Variants in GABRB2 observed in about 807,000 individuals in gnomAD.
GABRB2 encodes the protein gamma-aminobutyric acid receptor subunit beta-2.
In GABRB2, 16 loss-of-function variants were observed where a neutral mutation model predicts 54.7. The observed-to-expected ratio is 0.29, with a 90% CI of 0.20 to 0.44. The LOEUF (loss-of-function observed/expected upper bound fraction) is 0.44. Among genes scored for constraint, GABRB2 ranks in the 20% least tolerant of loss-of-function variants. The pLI, the probability that GABRB2 is intolerant of heterozygous loss-of-function variation, is 1.00. For missense variants in GABRB2, 355 were observed against 644.0 expected, an observed-to-expected ratio of 0.55 and a Z score of 4.86; for synonymous variants, 244 against 233.8, an observed-to-expected ratio of 1.04 and a Z score of -0.40.
chr5:161,418,829 A>G (rs1207114811), intron 4 of GABRB2, among the ~76,000 whole-genome samples: 2 of 152,216 alleles, frequency 1.3e-5, no homozygotes, highest in African/African-American at 2.4e-5. Flanking sequence ...GGCAAAAGAT[A>G]TTAACAGAGA....
intron 3 of GABRB2, among the ~76,000 whole-genome samples, chr5:161,489,477 A>G (rs1759034707): frequency 6.6e-6 from 1 of 151,680 alleles, no homozygotes; most frequent in Non-Finnish European, 1.5e-5. Context: ...CAAAAGACAA[A>G]CAGAGTAGAT....
At chr5:161,347,040 T>A (rs1382999379) in intron 5 of GABRB2, among the ~76,000 whole-genome samples, 1 of 152,100 alleles carries the variant, frequency 6.6e-6, no homozygotes, top group Non-Finnish European at 1.5e-5. Context: ...TAGACATATA[T>A]GCACAGTTAA....
At chr5:161,366,497 A>C (rs1228718908) in intron 5 of GABRB2, among the ~76,000 whole-genome samples, 1 of 152,088 alleles carries the variant, frequency 6.6e-6, no homozygotes, top group Non-Finnish European at 1.5e-5. Context: ...TTTAACTAAA[A>C]ATTTTTTTTC....
intron 3 of GABRB2, among the ~76,000 whole-genome samples, chr5:161,488,559 T>C (rs918866397): frequency 3.4e-4 from 51 of 151,814 alleles, no homozygotes; most frequent in African/African-American, 1.1e-3. Flanking sequence ...TACTTTATGA[T>C]TATTGGCTTT....
chr5:161,464,347 C>T (rs997277347), intron 3 of GABRB2, among the ~76,000 whole-genome samples: 2 of 151,950 alleles, frequency 1.3e-5, no homozygotes, highest in Non-Finnish European at 2.9e-5. Flanking sequence ...ATGCTCAACA[C>T]CACTAGTCAT....
chr5:161,324,906 A>T (rs954972626), intron 9 of GABRB2, among the ~76,000 whole-genome samples: 12 of 152,102 alleles, frequency 7.9e-5, no homozygotes, highest in Non-Finnish European at 1.5e-4. Flanking sequence ...TTAACAAATT[A>T]GTGTTCAAAT....
intron 5 of GABRB2, among the ~76,000 whole-genome samples, chr5:161,381,950 T>C (rs893006522): frequency 6.6e-6 from 1 of 152,172 alleles, no homozygotes; most frequent in Non-Finnish European, 1.5e-5. Flanking sequence ...TCAACACATA[T>C]AACCCATTAA....
chr5:161,479,577 T>C (rs1758692571), intron 3 of GABRB2, among the ~76,000 whole-genome samples: 2 of 132,232 alleles, frequency 1.5e-5, no homozygotes, highest in Admixed American at 9.3e-5. Context: ...CATGAACACA[T>C]TGAAACAATT....
intron 3 of GABRB2, among the ~76,000 whole-genome samples, chr5:161,519,915 T>C (rs1561680411): frequency 6.6e-6 from 1 of 152,192 alleles, no homozygotes; most frequent in Non-Finnish European, 1.5e-5. Context: ...GAATAAACTA[T>C]ATTTGATATT....
chr5:161,452,103 C>G (rs1049846640), intron 4 of GABRB2, among the ~76,000 whole-genome samples: 1 of 152,088 alleles, frequency 6.6e-6, no homozygotes, highest in Non-Finnish European at 1.5e-5. Context: ...CTGTTATGCT[C>G]ACAAAAACAT....
intron 9 of GABRB2, among the ~76,000 whole-genome samples, chr5:161,309,036 T>C (rs577399075): frequency 1.3e-5 from 2 of 152,284 alleles, no homozygotes; most frequent in African/African-American, 2.4e-5. Flanking sequence ...AAAGAGCTCC[T>C]GCACGGCAAA....
rs71302909 is a variant in GABRB2 at position 161,428,288 on chromosome 5, C to CGTGTGTGTGT, written c.459-17241_459-17232dup. ...ACATATCTATCATCTCAGAGAGTTA[C>CGTGTGTGTGT]GTGTGTGTGTGTGTGTGTGTGTGTG... On this transcript the variant is annotated intron_variant, in intron 4 of 9. Coordinates refer to ENST00000393959, the MANE Select transcript of GABRB2 (RefSeq NM_001371727.1). 7.8e-3 allele frequency among the ~76,000 whole-genome samples: 1,139 copies of CGTGTGTGTGT among 145,280 alleles called. 6 individuals are homozygous for CGTGTGTGTGT. The highest frequency in any genetic ancestry group is 0.013 in the African/African-American group (516 of 40,042).
chr5:161,492,093 A>G (rs1759104257), intron 3 of GABRB2, among the ~76,000 whole-genome samples: 1 of 151,664 alleles, frequency 6.6e-6, no homozygotes, highest in Non-Finnish European at 1.5e-5. Flanking sequence ...CCATATTTCA[A>G]TCTTGCTTTT....
At chr5:161,345,770 G>GA (rs777669459) in intron 5 of GABRB2, among the ~76,000 whole-genome samples, 7 of 152,046 alleles carry the variant, frequency 4.6e-5, no homozygotes, top group Non-Finnish European at 1.0e-4. Context: ...AGGATTTGTG[G>GA]ATGTGTTGGA....
chr5:161,406,598 T>A (rs918528), intron 5 of GABRB2, among the ~76,000 whole-genome samples: 10 of 151,794 alleles, frequency 6.6e-5, no homozygotes, highest in Admixed American at 1.3e-4. Flanking sequence ...TGTTAGATTC[T>A]TTGTCTAACA....
intron 9 of GABRB2, among the ~76,000 whole-genome samples, chr5:161,297,179 G>C (rs10079555): frequency 0.16 from 24,831 of 152,018 alleles, 3,249 homozygotes; most frequent in African/African-American, 0.35. Flanking sequence ...GGTAGGGTGG[G>C]GAAGGTGAGG....
At chr5:161,372,622 A>G (rs1279989387) in intron 5 of GABRB2, among the ~76,000 whole-genome samples, 1 of 152,080 alleles carries the variant, frequency 6.6e-6, no homozygotes, top group Admixed American at 6.5e-5. Context: ...GTCTTCCCCT[A>G]TCAGTATTAT....
At chr5:161,449,982 A>C (rs188123263) in intron 4 of GABRB2, among the ~76,000 whole-genome samples, 1 of 152,306 alleles carries the variant, frequency 6.6e-6, no homozygotes, top group Admixed American at 6.5e-5. Flanking sequence ...TGCTATATAT[A>C]GATATTTTCA....
chr5:161,441,755 A>G (rs1013454386), intron 4 of GABRB2, among the ~76,000 whole-genome samples: 20 of 152,184 alleles, frequency 1.3e-4, no homozygotes, highest in African/African-American at 4.8e-4. Context: ...TATAAACAAT[A>G]GAGTCCTATT....
Sources: gnomAD v4.1 joint callset for allele counts (sites outside exome capture counted in the v4.1 genomes callset) on GRCh38, gnomAD v4.1.1 for gene constraint, MANE v1.5 for transcripts, NCBI Gene and HGNC (gene_info 2026-07-23, HGNC 2026-07-21) for gene names.